Variants in LHFPL3 observed in about 807,000 individuals in gnomAD.
LHFPL3 encodes the protein LHFPL tetraspan subfamily member 3, also known as LHFPL tetraspan subfamily member 3 protein.
A neutral mutation model predicts 19.3 loss-of-function variants in LHFPL3; 5 were observed. The ratio of observed to expected loss-of-function variants is 0.26; its 90% CI spans 0.14 to 0.54. The LOEUF is 0.54. Ranked by LOEUF, LHFPL3 falls within the 20% of genes least tolerant of loss-of-function variation. LHFPL3 has a pLI of 0.94. For missense variants in LHFPL3, 249 were observed against 307.4 expected (o/e 0.81, Z 1.42); for synonymous variants, 133 against 126.2 (o/e 1.05, Z -0.36).
chr7:104,671,241 G>GT (rs1176849890), intron 1 of LHFPL3, among the ~76,000 whole-genome samples: 5 of 151,002 alleles, frequency 3.3e-5, no homozygotes, highest in South Asian at 2.1e-4. Flanking sequence ...ATTGAAAGGT[G>GT]TTTTTTTTCT....
At chr7:104,821,083 G>A (rs970890140) in intron 2 of LHFPL3, among the ~76,000 whole-genome samples, 3 of 152,148 alleles carry the variant, frequency 2.0e-5, no homozygotes, top group Middle Eastern at 3.4e-3. Context: ...AAAGCATCAC[G>A]GCAATTAGAT....
At chr7:104,516,658 A>G (rs2115790323) in intron 1 of LHFPL3, among the ~76,000 whole-genome samples, 1 of 152,306 alleles carries the variant, frequency 6.6e-6, no homozygotes, top group East Asian at 1.9e-4. Context: ...GATGCTGGCG[A>G]GGTTGCAGAG....
At chr7:104,696,854 G>T (rs1793005196) in intron 1 of LHFPL3, among the ~76,000 whole-genome samples, 2 of 152,214 alleles carry the variant, frequency 1.3e-5, no homozygotes, top group South Asian at 2.1e-4. Context: ...TAGTCCATTT[G>T]GGCTGCTTAG....
intron 2 of LHFPL3, among the ~76,000 whole-genome samples, chr7:104,742,808 T>C (rs1461032277): frequency 1.3e-5 from 2 of 152,194 alleles, no homozygotes; most frequent in Non-Finnish European, 2.9e-5. Context: ...GCACATTAAA[T>C]ACTCTTTTAG....
intron 1 of LHFPL3, among the ~76,000 whole-genome samples, chr7:104,527,685 G>A (rs762281491): frequency 6.6e-6 from 1 of 152,150 alleles, no homozygotes; most frequent in African/African-American, 2.4e-5. Flanking sequence ...TAGCAGAGGA[G>A]TGAAGGAGGG....
rs74877849 is a variant in LHFPL3, at chr7:104,603,891, CTA to C, written c.446-132782_446-132781del. Among the ~76,000 whole-genome samples the C allele has an allele frequency of 4.1e-3, 624 of 152,356 alleles. 34 individuals are homozygous for C. In the East Asian group the frequency reaches 0.1, roughly 24 times the overall value. The stretch of plus-strand genomic sequence containing the variant: ...CCCAAGGCCTCAGGCAGCCCTGTCT[CTA>C]TGGCTTTGCTGAGTTTACTCTACCC... On this transcript the variant is annotated intron_variant, in intron 1 of 2. Coordinates refer to ENST00000424859, the MANE Select transcript of LHFPL3 (RefSeq NM_199000.3).
At chr7:104,347,245 T>C (rs1183758977) in intron 1 of LHFPL3, among the ~76,000 whole-genome samples, 3 of 150,950 alleles carry the variant, frequency 2.0e-5, no homozygotes, top group Admixed American at 1.3e-4. Context: ...TTTTATTTCT[T>C]TTTTAATCTA....
chr7:104,355,938 T>C (rs1167134746), intron 1 of LHFPL3, among the ~76,000 whole-genome samples: 1 of 152,320 alleles, frequency 6.6e-6, no homozygotes, highest in Non-Finnish European at 1.5e-5. Flanking sequence ...ATATATGATA[T>C]AGAAAGATAA....
At chr7:104,348,904 A>G (rs1468495463) in intron 1 of LHFPL3, among the ~76,000 whole-genome samples, 3 of 152,214 alleles carry the variant, frequency 2.0e-5, no homozygotes, top group African/African-American at 7.2e-5. Context: ...TGCAAGAGGA[A>G]GGCTGATCAG....
At chr7:104,571,040 C>G (rs1790221886) in intron 1 of LHFPL3, among the ~76,000 whole-genome samples, 1 of 152,044 alleles carries the variant, frequency 6.6e-6, no homozygotes, top group Non-Finnish European at 1.5e-5. Context: ...TTTGGAGAAC[C>G]CAGCAAATGT....
rs114743330 is a variant in LHFPL3 at position 104,433,875 on chromosome 7, C to G, written c.445+104651C>G. 3.4e-3 allele frequency among the ~76,000 whole-genome samples: 521 copies of G among 152,260 alleles called. 2 individuals are homozygous for G. The highest frequency in any genetic ancestry group is 0.012 in the African/African-American group (489 of 41,538). On this transcript the variant is annotated intron_variant, in intron 1 of 2. Transcript: ENST00000424859. ...TTGGGTCTTGATCATCATGGAGTTCCTAGCACAGTGCCCGGCACACAGGAG... is the reference window on the plus strand; with the variant it reads ...TTGGGTCTTGATCATCATGGAGTTCGTAGCACAGTGCCCGGCACACAGGAG...
intron 2 of LHFPL3, chr7:104,804,050 T>C (rs1321392681): frequency 2.0e-5 from 3 of 152,220 alleles, no homozygotes; most frequent in Non-Finnish European, 4.4e-5. Flanking sequence ...AGTCTTGGAC[T>C]TCACATCTTA....
intron 1 of LHFPL3, among the ~76,000 whole-genome samples, chr7:104,640,668 T>G (rs1791816626): frequency 1.3e-5 from 2 of 152,338 alleles, no homozygotes; most frequent in Middle Eastern, 3.4e-3. Flanking sequence ...TTTCCAGACT[T>G]TTTAATGATC....
chr7:104,365,308 T>TAGAAAATA (rs1478045873), intron 1 of LHFPL3, among the ~76,000 whole-genome samples: 2 of 150,950 alleles, frequency 1.3e-5, no homozygotes, highest in Non-Finnish European at 3.0e-5. Context: ...TCAAAAAAAA[T>TAGAAAATA]AAAAAATAAA....
intron 1 of LHFPL3, among the ~76,000 whole-genome samples, chr7:104,583,381 C>T (rs1349306413): frequency 1.3e-5 from 2 of 152,146 alleles, no homozygotes; most frequent in Admixed American, 6.6e-5. Context: ...TAGGCAATAC[C>T]ATTCAGGACA....
At position 104,335,497 on chromosome 7, in the gene LHFPL3, T is replaced by C. The variant is rs188876659; in HGVS notation, c.445+6273T>C. Among the ~76,000 whole-genome samples the C allele has an allele frequency of 5.3e-4, 80 of 152,334 alleles. 2 individuals are homozygous for C. Among genetic ancestry groups the C allele is most frequent in the African/African-American group, 1.8e-3 (73 of 41,580 alleles). Reference sequence around the variant, plus strand: ...AATTGGAAGAGATGTTAGAAAATAATGTGATGTCAAAACAAACAGTTTTTA... The same window carrying C: ...AATTGGAAGAGATGTTAGAAAATAACGTGATGTCAAAACAAACAGTTTTTA... On this transcript the variant is annotated intron_variant, in intron 1 of 2. Coordinates refer to ENST00000424859, the MANE Select transcript of LHFPL3 (RefSeq NM_199000.3).
chr7:104,346,909 C>T (rs968400093), intron 1 of LHFPL3, among the ~76,000 whole-genome samples: 2 of 147,510 alleles, frequency 1.4e-5, no homozygotes, highest in African/African-American at 2.5e-5. Flanking sequence ...AAAAATGTGG[C>T]GGCCATTATA....
At chr7:104,759,685 A>C (rs927802008) in intron 2 of LHFPL3, 1 of 152,148 alleles carries the variant, frequency 6.6e-6, no homozygotes, top group East Asian at 1.9e-4. Flanking sequence ...ATTTTCCACA[A>C]ATATTGATGG....
intron 1 of LHFPL3, among the ~76,000 whole-genome samples, chr7:104,567,112 T>A (rs1030366094): frequency 1.3e-5 from 2 of 152,196 alleles, no homozygotes; most frequent in African/African-American, 4.8e-5. Context: ...TCAAACGAAG[T>A]GTTTAGATGG....
Sources: gnomAD v4.1 joint callset for allele counts (sites outside exome capture counted in the v4.1 genomes callset) on GRCh38, gnomAD v4.1.1 for gene constraint, MANE v1.5 for transcripts, NCBI Gene and HGNC (gene_info 2026-07-23, HGNC 2026-07-21) for gene names.